Variants in TRPC7 observed in about 807,000 individuals in gnomAD.
TRPC7 encodes short transient receptor potential channel 7.
A neutral mutation model predicts 90.1 loss-of-function variants in TRPC7; 42 were observed. The observed-to-expected ratio is 0.47, with a 90% CI of 0.36 to 0.60. The LOEUF (loss-of-function observed/expected upper bound fraction) is 0.60. Ranked by LOEUF, TRPC7 falls within the 20% of genes least tolerant of loss-of-function variation. TRPC7 has a pLI of 0.00. For missense variants in TRPC7, 955 were observed against 1,112.3 expected (o/e 0.86, Z 2.01); for synonymous variants, 451 against 436.3 (o/e 1.03, Z -0.42).
At chr5:136,361,006 G>T (rs1175532293) in intron 1 of TRPC7, among the ~76,000 whole-genome samples, 1 of 152,050 alleles carries the variant, frequency 6.6e-6, no homozygotes, top group Non-Finnish European at 1.5e-5. Context: ...CACACGGGTT[G>T]GAAAGAATCC....
At chr5:136,308,681 G>A (rs934348092) in intron 3 of TRPC7, among the ~76,000 whole-genome samples, 13 of 152,216 alleles carry the variant, frequency 8.5e-5, no homozygotes, top group Admixed American at 6.5e-4. Flanking sequence ...CTGCACTAGG[G>A]AGAGGATGTC....
chr5:136,344,588 T>A (rs1759946834), intron 2 of TRPC7, among the ~76,000 whole-genome samples: 1 of 152,214 alleles, frequency 6.6e-6, no homozygotes, highest in Admixed American at 6.5e-5. Flanking sequence ...TTTCTCATAC[T>A]GGCAAACATT....
chr5:136,230,738 A>G (rs1172087232), intron 8 of TRPC7, among the ~76,000 whole-genome samples: 2 of 151,972 alleles, frequency 1.3e-5, no homozygotes, highest in African/African-American at 4.8e-5. Flanking sequence ...CATTCTCTCA[A>G]CCCCTTTATC....
intron 2 of TRPC7, among the ~76,000 whole-genome samples, chr5:136,343,716 G>T (rs1419660468): frequency 2.0e-5 from 3 of 152,130 alleles, no homozygotes; most frequent in African/African-American, 7.2e-5. Flanking sequence ...TCTGTCATTT[G>T]TTACAGGGGT....
At chr5:136,248,516 G>T (rs764748572) in intron 6 of TRPC7, among the ~76,000 whole-genome samples, 2 of 152,186 alleles carry the variant, frequency 1.3e-5, no homozygotes, top group African/African-American at 4.8e-5. Flanking sequence ...GGAATCTAAA[G>T]GATCTTGCCT....
At chr5:136,265,515 A>G (rs1023208729) in intron 5 of TRPC7, among the ~76,000 whole-genome samples, 3 of 152,290 alleles carry the variant, frequency 2.0e-5, no homozygotes, top group African/African-American at 7.2e-5. Flanking sequence ...GGAAAAATCT[A>G]TAACACATTT....
intron 2 of TRPC7, among the ~76,000 whole-genome samples, chr5:136,350,910 C>G (rs925760781): frequency 8.6e-4 from 131 of 152,322 alleles, no homozygotes; most frequent in African/African-American, 3.0e-3. Context: ...ATACAGTCAT[C>G]CCTCAGTATC....
At chr5:136,323,509 TG>T (rs1242656548) in intron 2 of TRPC7, among the ~76,000 whole-genome samples, 1 of 152,224 alleles carries the variant, frequency 6.6e-6, no homozygotes, top group East Asian at 1.9e-4. Context: ...GTTAATTTTT[TG>T]TATATGATGT....
At chr5:136,232,702 T>C (rs1472496610) in intron 7 of TRPC7, among the ~76,000 whole-genome samples, 2 of 152,242 alleles carry the variant, frequency 1.3e-5, no homozygotes. Flanking sequence ...CCATACTCTA[T>C]GGGCATGACA....
At position 136,365,256 on chromosome 5, in the gene TRPC7, G is replaced by A. The variant is rs1022266654; in HGVS notation, c.-2C>T. 1.3e-6 allele frequency: 2 copies of A among 1,537,120 alleles called. No individual in the cohort carries two copies. The highest frequency in any genetic ancestry group is 1.7e-6 in the Non-Finnish European group (2 of 1,146,844). On this transcript the variant is annotated 5_prime_UTR_variant, in exon 1 of 12. Coordinates refer to ENST00000513104, the MANE Select transcript of TRPC7 (RefSeq NM_020389.3). ...AAGAACCATCATAGCTGCTTACATT[G>A]AGGGTGTAATACGCAGGCTTGTTCC...
chr5:136,261,899 G>A (rs1042560387), intron 5 of TRPC7, among the ~76,000 whole-genome samples: 1 of 152,052 alleles, frequency 6.6e-6, no homozygotes, highest in Admixed American at 6.6e-5. Flanking sequence ...TAGAGTCTTG[G>A]TTTCCATCTC....
At chr5:136,225,091 G>A (rs1435343360) in intron 10 of TRPC7, among the ~76,000 whole-genome samples, 183 bp downstream of exon 10, 2 of 152,080 alleles carry the variant, frequency 1.3e-5, no homozygotes, top group African/African-American at 4.8e-5. Context: ...AACCACATCT[G>A]TATCTGTATC....
At chr5:136,234,388 C>T (rs1475984103) in intron 7 of TRPC7, among the ~76,000 whole-genome samples, 2 of 152,046 alleles carry the variant, frequency 1.3e-5, no homozygotes, top group Non-Finnish European at 2.9e-5. Context: ...TGGCTCACGG[C>T]AACCTCCGCG....
intron 5 of TRPC7, among the ~76,000 whole-genome samples, chr5:136,253,690 C>T (rs189672800): frequency 5.3e-5 from 8 of 152,270 alleles, no homozygotes; most frequent in Middle Eastern, 3.4e-3. Flanking sequence ...CTGTCTTTCC[C>T]TCCCCTCGGG....
intron 8 of TRPC7, among the ~76,000 whole-genome samples, chr5:136,229,319 C>T (rs746626522): frequency 2.6e-5 from 4 of 152,290 alleles, no homozygotes; most frequent in East Asian, 1.9e-4. Context: ...GCTCTTGCAG[C>T]GCTGAGCATA....
At chr5:136,350,502 A>C (rs900834126) in intron 2 of TRPC7, among the ~76,000 whole-genome samples, 1 of 152,198 alleles carries the variant, frequency 6.6e-6, no homozygotes, top group African/African-American at 2.4e-5. Context: ...GACCCAATGA[A>C]AAGTTGTTAT....
At chr5:136,250,410 G>A (rs1191875840) in intron 6 of TRPC7, among the ~76,000 whole-genome samples, 1 of 152,180 alleles carries the variant, frequency 6.6e-6, no homozygotes, top group Non-Finnish European at 1.5e-5. Context: ...ATGTAACAGG[G>A]ACATTCAACA....
At chr5:136,223,642 A>G (rs1755534149) in intron 10 of TRPC7, among the ~76,000 whole-genome samples, 1 of 152,060 alleles carries the variant, frequency 6.6e-6, no homozygotes, top group Admixed American at 6.6e-5. Flanking sequence ...GTAAAAAAAA[A>G]AAGTAAAAAA....
chr5:136,301,052 G>A (rs1022029937), intron 3 of TRPC7, among the ~76,000 whole-genome samples: 1 of 151,998 alleles, frequency 6.6e-6, no homozygotes, highest in African/African-American at 2.4e-5. Flanking sequence ...TTTCTGAGGT[G>A]GAGTTTCACT....
Sources: gnomAD v4.1 joint callset for allele counts (sites outside exome capture counted in the v4.1 genomes callset) on GRCh38, gnomAD v4.1.1 for gene constraint, MANE v1.5 for transcripts, NCBI Gene and HGNC (gene_info 2026-07-23, HGNC 2026-07-21) for gene names.